Variants in KAT6B observed in about 807,000 individuals in gnomAD.
The protein encoded by KAT6B is lysine acetyltransferase 6B, also known as histone acetyltransferase KAT6B.
In KAT6B, 10 loss-of-function variants were observed where a neutral mutation model predicts 187.5. The observed-to-expected ratio is 0.05, with a 90% CI of 0.03 to 0.09. KAT6B has a LOEUF of 0.09. KAT6B is among the 10% of genes least tolerant of loss of function. The pLI is 1.00. For missense variants in KAT6B, 1,952 were observed against 2,558.9 expected (o/e 0.76, Z 5.12); for synonymous variants, 861 against 926.8 (o/e 0.93, Z 1.29).
intron 3 of KAT6B, among the ~76,000 whole-genome samples, chr10:74,850,057 G>A (rs1213718336): frequency 1.3e-5 from 2 of 151,840 alleles, no homozygotes; most frequent in Non-Finnish European, 2.9e-5. Context: ...TCCTGCCTCA[G>A]CCTCCTGAGT....
At chr10:74,892,770 G>A (rs1051919023) in intron 3 of KAT6B, among the ~76,000 whole-genome samples, 1 of 152,164 alleles carries the variant, frequency 6.6e-6, no homozygotes, top group African/African-American at 2.4e-5. Flanking sequence ...CCAGCCAGGT[G>A]CTGCTGTGGG....
In KAT6B at chr10:74,975,918, T is replaced by G. The variant is rs201681469; in HGVS notation, c.1581T>G (p.Ser527Arg). The G allele has an allele frequency of 1.1e-4, 173 of 1,614,036 alleles. No homozygotes were observed. The highest frequency in any genetic ancestry group is 1.3e-4 in the Admixed American group (8 of 59,984). The part of the protein sequence containing the change: ...PSPQSSSSQC[S>R]VPSLSSLTTN... ...CCCAGAGTTCTTCCAGCCAGTGCAGTGTGCCCTCCCTGAGCAGCCTTACCA... is the reference window on the plus strand; with the variant it reads ...CCCAGAGTTCTTCCAGCCAGTGCAGGGTGCCCTCCCTGAGCAGCCTTACCA... The change falls in exon 8 of 18, where the codon AGT becomes AGG. Residue 527 changes from serine to arginine, a missense_variant. Physicochemically the swap from Ser to Arg is moderately radical, Grantham distance 110. Around this residue, in one of 9 missense-constraint regions of KAT6B, gnomAD observed 417 missense variants for 508.9 expected, o/e 0.82. Transcript: ENST00000287239.
chr10:74,890,234 G>A (rs989935475), intron 3 of KAT6B, among the ~76,000 whole-genome samples: 1 of 151,988 alleles, frequency 6.6e-6, no homozygotes, highest in South Asian at 2.1e-4. Context: ...ATGGGGTTTC[G>A]CCATGTTGCC....
chr10:75,004,966 C>A (rs1272629545), intron 13 of KAT6B, among the ~76,000 whole-genome samples: 1 of 151,976 alleles, frequency 6.6e-6, no homozygotes, highest in Non-Finnish European at 1.5e-5. Flanking sequence ...GCTCCTGCCT[C>A]GGCCTCCCAA....
In KAT6B at chr10:74,867,539, G is replaced by A. The variant is rs190216547; in HGVS notation, c.621+24061G>A. Among the ~76,000 whole-genome samples the A allele has an allele frequency of 2.1e-4, 32 of 152,290 alleles. No individual in the cohort carries two copies. The East Asian group carries it at 5.6e-3, about 27-fold the overall frequency. On this transcript the variant is annotated intron_variant, in intron 3 of 17. Transcript: ENST00000287239. ...AAGTTGTTGGATCATGATATCTTGA[G>A]ATTTTCTGAAAGTTCAGCTTCTTTT...
chr10:74,945,357 G>C (rs1203217484), intron 3 of KAT6B, among the ~76,000 whole-genome samples: 2 of 152,206 alleles, frequency 1.3e-5, no homozygotes. Context: ...GATTGCCTGG[G>C]TCTGAAAAGG....
chr10:74,914,109 C>T (rs1377557603), intron 3 of KAT6B, among the ~76,000 whole-genome samples: 2 of 151,844 alleles, frequency 1.3e-5, no homozygotes, highest in Admixed American at 6.6e-5. Flanking sequence ...TTGCTTGAAC[C>T]CAGGAGGCAG....
At chr10:75,019,901 G>C (rs527981249) in intron 13 of KAT6B, among the ~76,000 whole-genome samples, 1 of 152,024 alleles carries the variant, frequency 6.6e-6, no homozygotes, top group Non-Finnish European at 1.5e-5. Flanking sequence ...TAAGGAGTTT[G>C]TTTTGTTTTG....
chr10:74,907,425 C>A (rs1846849747), intron 3 of KAT6B, among the ~76,000 whole-genome samples: 1 of 152,226 alleles, frequency 6.6e-6, no homozygotes, highest in Admixed American at 6.5e-5. Context: ...CCAAAACCTC[C>A]ATTCATTCTG....
At chr10:75,001,148 G>A (rs1359039727) in intron 13 of KAT6B, among the ~76,000 whole-genome samples, 1 of 152,112 alleles carries the variant, frequency 6.6e-6, no homozygotes, top group Non-Finnish European at 1.5e-5. Flanking sequence ...GTATGATTTA[G>A]TACCTTAGTT....
chr10:74,858,895 C>T (rs889031495), intron 3 of KAT6B, among the ~76,000 whole-genome samples: 3 of 150,818 alleles, frequency 2.0e-5, no homozygotes, highest in South Asian at 2.1e-4. Context: ...GTGGAGATTG[C>T]GGTGAGCCAA....
At chr10:74,919,860 T>C (rs759520219) in intron 3 of KAT6B, among the ~76,000 whole-genome samples, 13 of 152,274 alleles carry the variant, frequency 8.5e-5, no homozygotes, top group Non-Finnish European at 1.3e-4. Flanking sequence ...ATCTAATCTG[T>C]CATTAGTTAT....
intron 3 of KAT6B, among the ~76,000 whole-genome samples, chr10:74,913,375 A>G (rs980937787): frequency 6.6e-6 from 1 of 152,234 alleles, no homozygotes; most frequent in African/African-American, 2.4e-5. Flanking sequence ...ACAGGAAGAA[A>G]TTAACAAAAA....
chr10:74,951,274 T>C (rs2133399308), intron 3 of KAT6B, among the ~76,000 whole-genome samples: 3 of 151,920 alleles, frequency 2.0e-5, no homozygotes, highest in Admixed American at 2.0e-4. Context: ...GGACTACAGG[T>C]GCGCACCACC....
chr10:74,880,921 T>G (rs1463380799), intron 3 of KAT6B, among the ~76,000 whole-genome samples: 1 of 142,432 alleles, frequency 7.0e-6, no homozygotes, highest in Non-Finnish European at 1.5e-5. Context: ...TGGCCTTATC[T>G]TACTCTCTCT....
intron 3 of KAT6B, among the ~76,000 whole-genome samples, chr10:74,945,623 T>C (rs1001331587): frequency 2.7e-4 from 41 of 152,140 alleles, no homozygotes; most frequent in African/African-American, 8.9e-4. Flanking sequence ...CTAATTTTTG[T>C]ATTTTTAATA....
intron 13 of KAT6B, among the ~76,000 whole-genome samples, chr10:75,010,141 A>T (rs572365922): frequency 3.9e-5 from 6 of 152,330 alleles, no homozygotes; most frequent in African/African-American, 1.2e-4. Flanking sequence ...CTCAGCAATA[A>T]CCCTGGGGGG....
chr10:74,930,984 A>G (rs974042604), intron 3 of KAT6B, among the ~76,000 whole-genome samples: 2 of 152,172 alleles, frequency 1.3e-5, no homozygotes, highest in African/African-American at 2.4e-5. Context: ...GGATAACAAT[A>G]TTTAATTAAG....
At chr10:74,839,624 C>T (rs1841580485) in intron 2 of KAT6B, among the ~76,000 whole-genome samples, 1 of 152,182 alleles carries the variant, frequency 6.6e-6, no homozygotes, top group African/African-American at 2.4e-5. Flanking sequence ...GTGACCTCTT[C>T]TACTTTCTGC....
Sources: gnomAD v4.1 joint callset for allele counts (sites outside exome capture counted in the v4.1 genomes callset) on GRCh38, gnomAD v4.1.1 for gene constraint, gnomAD v4.1.1 regional missense constraint, MANE v1.5 for transcripts, NCBI Gene and HGNC (gene_info 2026-07-23, HGNC 2026-07-21) for gene names.